Variants in PAPPA2 observed in about 807,000 individuals in gnomAD.
PAPPA2 encodes the protein pappalysin 2.
PAPPA2 carries 86 observed loss-of-function variants against 176.4 expected under a neutral mutation model. The observed-to-expected ratio is 0.49, with a 90% CI of 0.41 to 0.58. The LOEUF is 0.58. Ranked by LOEUF, PAPPA2 falls within the 20% of genes least tolerant of loss-of-function variation. The pLI is 0.00. For missense variants in PAPPA2, 2,073 were observed against 2,256.9 expected (o/e 0.92, Z 1.65); for synonymous variants, 809 against 852.2 (o/e 0.95, Z 0.88).
At chr1:176,527,510 A>G (rs1573001418) in intron 1 of PAPPA2, among the ~76,000 whole-genome samples, 1 of 152,326 alleles carries the variant, frequency 6.6e-6, no homozygotes, top group Admixed American at 6.5e-5. Context: ...TTCTCCCTGT[A>G]TGCCAAGCAT....
intron 1 of PAPPA2, among the ~76,000 whole-genome samples, chr1:176,551,180 C>T (rs1017342417): frequency 6.6e-6 from 1 of 152,210 alleles, no homozygotes; most frequent in Non-Finnish European, 1.5e-5. Flanking sequence ...AGCACCAGAG[C>T]CAGGGGAGCA....
chr1:176,486,737 G>A (rs1241837137), intron 1 of PAPPA2, among the ~76,000 whole-genome samples: 3 of 152,166 alleles, frequency 2.0e-5, no homozygotes, highest in African/African-American at 4.8e-5. Flanking sequence ...ATCCAGCAAA[G>A]GACGATGAGA....
intron 17 of PAPPA2, among the ~76,000 whole-genome samples, chr1:176,777,450 A>T (rs954022853): frequency 8.5e-5 from 13 of 152,058 alleles, no homozygotes; most frequent in East Asian, 1.9e-4. Context: ...TATTGGGAAA[A>T]TTTTTTTGGA....
At chr1:176,546,240 G>C (rs1469949317) in intron 1 of PAPPA2, among the ~76,000 whole-genome samples, 1 of 152,094 alleles carries the variant, frequency 6.6e-6, no homozygotes, top group Non-Finnish European at 1.5e-5. Context: ...AGTGATTTTT[G>C]CTACCCATTT....
intron 3 of PAPPA2, among the ~76,000 whole-genome samples, chr1:176,645,847 G>A (rs1657369489): frequency 6.6e-6 from 1 of 151,636 alleles, no homozygotes; most frequent in South Asian, 2.1e-4. Flanking sequence ...TTGTGATGTT[G>A]AGCATTTTTT....
At chr1:176,677,508 G>A (rs1182542890) in intron 4 of PAPPA2, among the ~76,000 whole-genome samples, 7 of 152,190 alleles carry the variant, frequency 4.6e-5, no homozygotes, top group African/African-American at 1.7e-4. Flanking sequence ...GGATCAATGA[G>A]TGGGATCCTC....
intron 17 of PAPPA2, among the ~76,000 whole-genome samples, chr1:176,784,713 A>G (rs1458577668): frequency 6.6e-6 from 1 of 151,796 alleles, no homozygotes; most frequent in Non-Finnish European, 1.5e-5. Context: ...CAGCCTCCCA[A>G]ATAGCTGGGA....
intron 3 of PAPPA2, among the ~76,000 whole-genome samples, chr1:176,622,833 T>C (rs1023903249): frequency 6.6e-6 from 1 of 152,106 alleles, no homozygotes. Flanking sequence ...TTAGACTGAG[T>C]AATTTATAAA....
chr1:176,753,300 A>G (rs1179545075), intron 14 of PAPPA2, among the ~76,000 whole-genome samples: 2 of 152,272 alleles, frequency 1.3e-5, no homozygotes, highest in East Asian at 3.9e-4. Context: ...TCTTGGTAAT[A>G]GTATTATTTC....
At chr1:176,675,791 G>T (rs1475146880) in intron 4 of PAPPA2, among the ~76,000 whole-genome samples, 3 of 151,990 alleles carry the variant, frequency 2.0e-5, no homozygotes, top group Non-Finnish European at 4.4e-5. Flanking sequence ...TTTATAAACT[G>T]CAAACAAGGT....
chr1:176,467,720 G>T (rs115908962), intron 1 of PAPPA2, among the ~76,000 whole-genome samples: 2 of 152,120 alleles, frequency 1.3e-5, no homozygotes, highest in Non-Finnish European at 2.9e-5. Context: ...AGTTTATAAG[G>T]TCACTAATTT....
At chr1:176,786,899 G>A (rs753962561) in intron 17 of PAPPA2, among the ~76,000 whole-genome samples, 2 of 152,146 alleles carry the variant, frequency 1.3e-5, no homozygotes, top group Non-Finnish European at 2.9e-5. Context: ...ACAAAGAAGG[G>A]AACAACAGAC....
At chr1:176,820,819 GA>G (rs1003089876) in intron 21 of PAPPA2, among the ~76,000 whole-genome samples, 77 of 152,124 alleles carry the variant, frequency 5.1e-4, no homozygotes, top group African/African-American at 1.8e-3. Flanking sequence ...TAAAAGAAAA[GA>G]AAAGAGAAAA....
Position 176,832,240 on chromosome 1 carries a change from A to G in PAPPA2, c.5203-7933A>G, listed in dbSNP as rs902198950. On this transcript the variant is annotated intron_variant, in intron 21 of 22. Coordinates refer to ENST00000367662, the MANE Select transcript of PAPPA2 (RefSeq NM_020318.3). ...GCAGCAATTCTGTGAGGTAGGTGCTATTTTTCTCATTCACTAACAAGAACA... is the reference window on the plus strand; with the variant it reads ...GCAGCAATTCTGTGAGGTAGGTGCTGTTTTTCTCATTCACTAACAAGAACA... 2.6e-5 allele frequency among the ~76,000 whole-genome samples: 4 copies of G among 152,120 alleles called. No individual in the cohort carries two copies. In the East Asian group the frequency reaches 5.8e-4, roughly 22 times the overall value.
chr1:176,608,628 G>A (rs187436974), intron 3 of PAPPA2, among the ~76,000 whole-genome samples: 51 of 152,236 alleles, frequency 3.4e-4, no homozygotes, highest in African/African-American at 1.1e-3. Flanking sequence ...TATCGACAGT[G>A]CAGTCCGTGG....
intron 20 of PAPPA2, 41 bp from the exon 21 acceptor site, chr1:176,800,020 T>C (rs1665607965): frequency 6.2e-7 from 1 of 1,608,076 alleles, no homozygotes; most frequent in Non-Finnish European, 8.5e-7. Context: ...ACAACAAATG[T>C]CTTTAATTTT....
intron 3 of PAPPA2, among the ~76,000 whole-genome samples, chr1:176,670,370 T>C (rs1209884797): frequency 6.6e-6 from 1 of 152,174 alleles, no homozygotes; most frequent in Non-Finnish European, 1.5e-5. Context: ...TTTCCATGGA[T>C]TAAGGGAGTA....
chr1:176,775,776 C>T (rs1207731436), intron 17 of PAPPA2, among the ~76,000 whole-genome samples: 1 of 152,170 alleles, frequency 6.6e-6, no homozygotes, highest in African/African-American at 2.4e-5. Flanking sequence ...TCTAGTCGAA[C>T]TTTTGATCCT....
At position 176,712,029 on chromosome 1, in the gene PAPPA2, A is replaced by ATGTGTG. The variant is rs66731142; in HGVS notation, c.3798+72_3798+77dup. 847 of 1,426,110 alleles carry ATGTGTG rather than the reference A, an allele frequency of 5.9e-4. 9 individuals carry two copies. In the African/African-American group the frequency reaches 0.01, roughly 18 times the overall value. The allele number at this position is 1,426,110 out of a possible 1,614,324, so 88.3% of individuals were successfully genotyped here. A position where few individuals can be genotyped will look rare whatever the true frequency, so the allele number is the denominator to read the frequency against. Reference sequence around the variant, plus strand: ...TTGTGCATGTGAAAGGTGTAAGCATATGTGTGTGTGTGTGTGTGTGTGTGT... The same window carrying ATGTGTG: ...TTGTGCATGTGAAAGGTGTAAGCATATGTGTGTGTGTGTGTGTGTGTGTGTGTGTGT... On this transcript the variant is annotated intron_variant, in intron 12 of 22. Coordinates refer to ENST00000367662, the MANE Select transcript of PAPPA2 (RefSeq NM_020318.3).
Sources: allele counts gnomAD v4.1 joint callset (sites outside exome capture counted in the v4.1 genomes callset), GRCh38; gene constraint gnomAD v4.1.1; transcripts MANE v1.5; gene names NCBI Gene and HGNC (gene_info 2026-07-23, HGNC 2026-07-21).